Variants in COX16 observed in about 807,000 individuals in gnomAD.
COX16 encodes cytochrome c oxidase assembly factor COX16.
A neutral mutation model predicts 15.4 loss-of-function variants in COX16; 12 were observed. The ratio of observed to expected loss-of-function variants is 0.78; its 90% CI spans 0.50 to 1.26. The LOEUF (loss-of-function observed/expected upper bound fraction) is 1.26. Among genes scored for constraint, COX16 ranks in the 50% most tolerant of loss-of-function variants. COX16 has a pLI of 0.00. For missense variants in COX16, 124 were observed against 127.6 expected, an observed-to-expected ratio of 0.97 and a Z score of 0.14; for synonymous variants, 46 against 41.1, an observed-to-expected ratio of 1.12 and a Z score of -0.46.
chr14:70,359,290 T>C, intron 1 of COX16: 1 of 628,704 alleles, frequency 1.6e-6, no homozygotes, highest in Non-Finnish European at 3.0e-6. Flanking sequence ...AGCAGACAGA[T>C]CCTAGTACAC....
At chr14:70,346,271 T>C (rs1566603339) in intron 1 of COX16, among the ~76,000 whole-genome samples, 1 of 152,208 alleles carries the variant, frequency 6.6e-6, no homozygotes, top group African/African-American at 2.4e-5. Context: ...ACAATCGTGA[T>C]AGGGAAAGTA....
chr14:70,346,178 C>T (rs1594921260), intron 1 of COX16, among the ~76,000 whole-genome samples: 2 of 152,172 alleles, frequency 1.3e-5, no homozygotes, highest in Admixed American at 6.5e-5. Flanking sequence ...AATCCACCCC[C>T]GATATTCGGT....
intron 1 of COX16, among the ~76,000 whole-genome samples, chr14:70,352,281 G>T (rs1380793691): frequency 6.6e-6 from 1 of 152,128 alleles, no homozygotes; most frequent in Non-Finnish European, 1.5e-5. Flanking sequence ...CCGCTTCCCA[G>T]GTTCAAGCAA....
At chr14:70,346,328 G>A (rs1886779550) in intron 1 of COX16, among the ~76,000 whole-genome samples, 1 of 152,224 alleles carries the variant, frequency 6.6e-6, no homozygotes, top group Admixed American at 6.5e-5. Context: ...CCGCCATCAG[G>A]GGCCCTGCAG....
At chr14:70,335,477 A>G (rs757532568) in intron 2 of COX16, among the ~76,000 whole-genome samples, 2 of 152,172 alleles carry the variant, frequency 1.3e-5, no homozygotes, top group Non-Finnish European at 2.9e-5. Flanking sequence ...TCAAAAAAGT[A>G]TCAATCATAT....
chr14:70,336,471 T>G (rs888911447), intron 2 of COX16, among the ~76,000 whole-genome samples: 2 of 152,206 alleles, frequency 1.3e-5, no homozygotes, highest in African/African-American at 4.8e-5. Context: ...TTCAATATAC[T>G]CCTTGGTTTC....
At chr14:70,330,919 A>G (rs1886265756) in intron 2 of COX16, among the ~76,000 whole-genome samples, 1 of 152,242 alleles carries the variant, frequency 6.6e-6, no homozygotes, top group South Asian at 2.1e-4. Context: ...ATCAAAACTT[A>G]TAGTAATTCA....
At chr14:70,339,831 C>T (rs932486701) in intron 2 of COX16, among the ~76,000 whole-genome samples, 6 of 152,142 alleles carry the variant, frequency 3.9e-5, no homozygotes, top group Non-Finnish European at 7.4e-5. Flanking sequence ...TAAGCCTTGT[C>T]TTCTGATCCT....
chr14:70,354,461 A>G (rs1594928292), intron 1 of COX16, among the ~76,000 whole-genome samples: 1 of 152,308 alleles, frequency 6.6e-6, no homozygotes, highest in Non-Finnish European at 1.5e-5. Flanking sequence ...GTTCAGTCAC[A>G]TGGCCAATGG....
intron 1 of COX16, 38 bp downstream of exon 1, chr14:70,359,481 T>TC: frequency 3.2e-6 from 5 of 1,563,412 alleles, no homozygotes; most frequent in Non-Finnish European, 4.4e-6. Context: ...AGGAGGAGGG[T>TC]CCCACCCCTT....
Position 70,329,201 on chromosome 14 carries a change from A to G in COX16, c.177T>C (p.Asn59=). Reference sequence around the variant, plus strand: ...CATATTCCGACTCTAAAGATATTTTATTCTCTTTCAGTTTTTTTTCAAGCT... The same window carrying G: ...CATATTCCGACTCTAAAGATATTTTGTTCTCTTTCAGTTTTTTTTCAAGCT... ...DPELEKKLKE[N]KISLESEYEK... Residue 59 remains asparagine, a synonymous_variant, in exon 3 of 4, where the codon AAT becomes AAC. Transcript: ENST00000389912. 1.2e-6 allele frequency: 2 copies of G among 1,608,272 alleles called. No individual in the cohort carries two copies. Among genetic ancestry groups the G allele is most frequent in the Non-Finnish European group, 1.7e-6 (2 of 1,176,898 alleles).
chr14:70,351,225 A>G (rs982845200), intron 1 of COX16, among the ~76,000 whole-genome samples: 1 of 152,132 alleles, frequency 6.6e-6, no homozygotes, highest in Admixed American at 6.5e-5. Flanking sequence ...AAAAATCATC[A>G]ATCCATGTAT....
chr14:70,332,544 C>T (rs1423979583), intron 2 of COX16, among the ~76,000 whole-genome samples: 1 of 152,210 alleles, frequency 6.6e-6, no homozygotes, highest in Non-Finnish European at 1.5e-5. Context: ...GGGAACTATC[C>T]TGTCTGTCTA....
chr14:70,339,341 T>G (rs776818251), intron 2 of COX16, among the ~76,000 whole-genome samples: 3 of 152,192 alleles, frequency 2.0e-5, no homozygotes, highest in Non-Finnish European at 4.4e-5. Flanking sequence ...TTCCAGCCCT[T>G]ACTTTTTTAG....
Position 70,346,145 on chromosome 14 carries a change from C to T in COX16, c.70-3416G>A, listed in dbSNP as rs182225046. Among the ~76,000 whole-genome samples, 151 of 152,312 alleles carry T rather than the reference C, an allele frequency of 9.9e-4. 2 individuals carry two copies. The South Asian group carries it at 0.012, about 12-fold the overall frequency. ...TCAAACCCTCAGAACGAACCATTAT[C>T]TTAAACCTTCGGTTCATCTCCCAAT... On this transcript the variant is annotated intron_variant, in intron 1 of 3. Coordinates refer to ENST00000389912, the MANE Select transcript of COX16 (RefSeq NM_016468.7).
intron 1 of COX16, among the ~76,000 whole-genome samples, chr14:70,349,620 C>A (rs993933235): frequency 6.6e-6 from 1 of 152,216 alleles, no homozygotes; most frequent in Non-Finnish European, 1.5e-5. Flanking sequence ...ACTCACCAAG[C>A]TGGCTCTAAA....
chr14:70,343,718 T>C (rs1015921019), intron 1 of COX16, among the ~76,000 whole-genome samples: 3 of 152,234 alleles, frequency 2.0e-5, no homozygotes, highest in African/African-American at 7.2e-5. Context: ...TTCATGTTTT[T>C]GCTGGCACCT....
intron 1 of COX16, among the ~76,000 whole-genome samples, chr14:70,347,151 T>G (rs1415411154): frequency 6.6e-6 from 1 of 152,112 alleles, no homozygotes; most frequent in African/African-American, 2.4e-5. Context: ...GCAGCTCTCA[T>G]AGGCCTAAAG....
intron 1 of COX16, among the ~76,000 whole-genome samples, chr14:70,344,892 T>C (rs904375100): frequency 6.6e-6 from 1 of 152,144 alleles, no homozygotes; most frequent in Non-Finnish European, 1.5e-5. Flanking sequence ...TATAAAACCT[T>C]TGTCCCATCC....
Sources: gnomAD v4.1 joint callset for allele counts (sites outside exome capture counted in the v4.1 genomes callset) on GRCh38, gnomAD v4.1.1 for gene constraint, MANE v1.5 for transcripts, NCBI Gene and HGNC (gene_info 2026-07-23, HGNC 2026-07-21) for gene names.